SAA4: variants seen among roughly 807,000 people sequenced by gnomAD.
The protein encoded by SAA4 is serum amyloid A4, constitutive, also known as serum amyloid A-4 protein.
Under a neutral mutation model 11.2 loss-of-function variants are expected in SAA4, and 8 were observed. The observed-to-expected ratio is 0.71, with a 90% confidence interval of 0.42 to 1.29. SAA4 has a LOEUF of 1.29. SAA4 is among the 50% of genes most tolerant of loss of function. The pLI is 0.01. For synonymous variants in SAA4, 60 were observed against 56.2 expected (o/e 1.07, Z -0.30); for missense variants, 171 against 164.2 (o/e 1.04, Z -0.23).
At chr11:18,234,155 A>AT (rs570963713) in intron 2 of SAA4, among the ~76,000 whole-genome samples, 2 of 152,346 alleles carry the variant, frequency 1.3e-5, no homozygotes, top group South Asian at 4.1e-4. Context: ...GTATGTCGTA[A>AT]TGTTGAGTGA....
Position 18,231,567 on chromosome 11 carries a change from C to T in SAA4, c.328G>A (p.Glu110Lys), listed in dbSNP as rs1294158923. 4 of 1,614,054 alleles carry T rather than the reference C, an allele frequency of 2.5e-6. No individual in the cohort carries two copies. Among genetic ancestry groups the T allele is most frequent in the Middle Eastern group, 1.6e-4 (1 of 6,076 alleles). ...GGGTCTTTGCCACTCCGGCCCCATT[C>T]CTCAGCTTTCTCGTTGGACTTCGAG... ...EDSKSNEKAE[E>K]WGRSGKDPDR... Residue 110 changes from glutamate (E) to lysine (K), a missense_variant, in exon 4 of 4, where the codon GAA becomes AAA. By Grantham distance (56) the Glu-to-Lys change is moderately conservative. Coordinates refer to ENST00000278222, the MANE Select transcript of SAA4 (RefSeq NM_006512.4).
chr11:18,231,709 C>A, intron 3 of SAA4, 45 bp from the exon 4 acceptor site: 1 of 1,572,750 alleles, frequency 6.4e-7, no homozygotes, highest in South Asian at 1.2e-5. Flanking sequence ...TCTTGACTCA[C>A]CTGCTCACCT....
intron 2 of SAA4, among the ~76,000 whole-genome samples, chr11:18,232,738 T>C (rs1382965593): frequency 1.3e-5 from 2 of 152,212 alleles, no homozygotes; most frequent in Admixed American, 6.5e-5. Flanking sequence ...TTGAATTGTA[T>C]TGGTTGGCAG....
Position 18,232,381 on chromosome 11 carries a change from G to A in SAA4, c.230+14C>T, listed in dbSNP as rs1857146966. On this transcript the variant is annotated intron_variant, in intron 3 of 3. Transcript: ENST00000278222. ...TGCTGGCCTCTCACTGGAGTCCCCG[G>A]GAATCTGTGTTACCTGATGAGTTTA... 6.2e-7 allele frequency: 1 copy of A among 1,613,240 alleles called. No individual in the cohort carries two copies. The highest frequency in any genetic ancestry group is 8.5e-7 in the Non-Finnish European group (1 of 1,179,686).
At chr11:18,236,010 T>C in intron 1 of SAA4, 80 bp from the exon 2 acceptor site, 1 of 1,347,592 alleles carries the variant, frequency 7.4e-7, no homozygotes, top group East Asian at 2.5e-5. Flanking sequence ...TTTCTTTCCT[T>C]TTTTTCTTTC....
chr11:18,232,567 G>A (rs1186442750), intron 2 of SAA4, 34 bp from the exon 3 acceptor site: 1 of 1,599,064 alleles, frequency 6.3e-7, no homozygotes, highest in East Asian at 2.2e-5. Flanking sequence ...AATGAACCCA[G>A]TGACATACTG....
intron 3 of SAA4, among the ~76,000 whole-genome samples, 154 bp from the exon 4 acceptor site, chr11:18,231,818 C>A (rs1464198794): frequency 6.7e-6 from 1 of 150,034 alleles, no homozygotes; most frequent in African/African-American, 2.5e-5. Context: ...AACTATCAAT[C>A]TTCTTGGGCA....
At chr11:18,235,134 G>GA (rs1314485251) in intron 2 of SAA4, among the ~76,000 whole-genome samples, 1 of 152,050 alleles carries the variant, frequency 6.6e-6, no homozygotes, top group East Asian at 1.9e-4. Flanking sequence ...ACAAAATGCA[G>GA]AAAAAATGAA....
Position 18,231,640 on chromosome 11 carries a change from T to G in SAA4, c.255A>C (p.Gly85=). ...LISRSRVYLQ[G]LIDCYLFGNS... is the part of the protein sequence containing the mutation. The stretch of plus-strand genomic sequence containing the variant: ...TTCCAAATAAATAGCAGTCTATTAA[T>G]CCCTGAAGATAGACCCTGGAACGGC... The change falls in exon 4 of 4, where the codon GGA becomes GGC. Residue 85 remains glycine, a synonymous_variant. Transcript: ENST00000278222. The G allele has an allele frequency of 6.2e-7, 1 of 1,613,636 alleles. No individual in the cohort carries two copies.
chr11:18,234,476 A>C (rs1323781282), intron 2 of SAA4, among the ~76,000 whole-genome samples: 2 of 152,252 alleles, frequency 1.3e-5, no homozygotes, highest in Non-Finnish European at 2.9e-5. Context: ...AACAGGTCTA[A>C]GCCAGGAAGA....
intron 2 of SAA4, among the ~76,000 whole-genome samples, chr11:18,232,908 G>A (rs1857158447): frequency 6.6e-6 from 1 of 152,236 alleles, no homozygotes; most frequent in Admixed American, 6.5e-5. Context: ...TGTGTACTGT[G>A]TACAAAGAGG....
chr11:18,235,323 C>T (rs1358685237), intron 2 of SAA4, among the ~76,000 whole-genome samples: 2 of 150,504 alleles, frequency 1.3e-5, no homozygotes, highest in African/African-American at 4.9e-5. Flanking sequence ...CGTATCTCAG[C>T]CCTCCTGTGG....
intron 1 of SAA4, 78 bp downstream of exon 1, chr11:18,236,639 T>C (rs1378080570): frequency 6.6e-6 from 1 of 152,136 alleles, no homozygotes; most frequent in Non-Finnish European, 1.5e-5. Context: ...TTCTCTCCAA[T>C]TGAAATTTGA....
In SAA4 at chr11:18,231,410, G is replaced by A. The variant is rs1169861459; in HGVS notation, c.*92C>T. On this transcript the variant is annotated 3_prime_UTR_variant, in exon 4 of 4. Transcript: ENST00000278222. ...CTAGGTGCCCTATACCAGTTCCTGG[G>A]GACACAAAGCTCAGTGACCCTGTGT... is the stretch of plus-strand genomic sequence containing the variant. 3 of 1,531,140 alleles carry A rather than the reference G, an allele frequency of 2.0e-6. No individual in the cohort carries two copies. Among genetic ancestry groups the A allele is most frequent in the African/African-American group, 2.8e-5 (2 of 71,896 alleles). 94.8% of individuals were successfully genotyped at this position (1,531,140 alleles called of 1,614,324 possible). A position where few individuals can be genotyped will look rare whatever the true frequency, so the allele number is the denominator to read the frequency against.
chr11:18,232,806 G>T (rs532869875), intron 2 of SAA4, among the ~76,000 whole-genome samples: 3 of 151,768 alleles, frequency 2.0e-5, no homozygotes, highest in Non-Finnish European at 4.4e-5. Flanking sequence ...ACAAAGAGGG[G>T]ACGCTCATGT....
chr11:18,235,193 T>C (rs1358590772), intron 2 of SAA4, among the ~76,000 whole-genome samples: 2 of 152,190 alleles, frequency 1.3e-5, no homozygotes, highest in Non-Finnish European at 2.9e-5. Flanking sequence ...AACTACAAAA[T>C]TAATAACAAC....
At chr11:18,234,758 C>A (rs1857185995) in intron 2 of SAA4, among the ~76,000 whole-genome samples, 1 of 152,150 alleles carries the variant, frequency 6.6e-6, no homozygotes, top group Non-Finnish European at 1.5e-5. Context: ...TATGTTCATT[C>A]TATGTTTTCC....
chr11:18,235,582 C>T (rs1358549648), intron 2 of SAA4, among the ~76,000 whole-genome samples: 4 of 152,124 alleles, frequency 2.6e-5, no homozygotes, highest in Admixed American at 6.6e-5. Context: ...AGATAACCCC[C>T]TGGAAGTTTT....
intron 2 of SAA4, among the ~76,000 whole-genome samples, chr11:18,232,769 T>C (rs1021060456): frequency 1.3e-4 from 20 of 152,238 alleles, no homozygotes; most frequent in African/African-American, 4.6e-4. Context: ...CTGGGCTACA[T>C]CTTACATGGG....
Sources: allele counts gnomAD v4.1 joint callset (sites outside exome capture counted in the v4.1 genomes callset), GRCh38; gene constraint gnomAD v4.1.1; transcripts MANE v1.5; gene names NCBI Gene and HGNC (gene_info 2026-07-23, HGNC 2026-07-21).